Variants in PHF21A observed in about 807,000 individuals in gnomAD.
PHF21A encodes BHC80a.
In PHF21A, 11 loss-of-function variants were observed where a neutral mutation model predicts 82.5. That is an observed-to-expected ratio of 0.13 (90% CI 0.08 to 0.22). PHF21A has a LOEUF of 0.22. Among genes scored for constraint, PHF21A ranks in the 10% least tolerant of loss-of-function variants. The pLI, the probability that PHF21A is intolerant of heterozygous loss-of-function variation, is 1.00. For missense variants in PHF21A, 579 were observed against 837.8 expected (o/e 0.69, Z 3.81); for synonymous variants, 297 against 302.8 (o/e 0.98, Z 0.20).
chr11:46,053,812 A>G (rs2096407332), intron 6 of PHF21A, among the ~76,000 whole-genome samples: 1 of 152,100 alleles, frequency 6.6e-6, no homozygotes, highest in Admixed American at 6.6e-5. Context: ...TTCTTCAAGT[A>G]TTTTTTTGTG....
chr11:46,013,517 T>C (rs1419586676), intron 6 of PHF21A, among the ~76,000 whole-genome samples: 2 of 152,106 alleles, frequency 1.3e-5, no homozygotes, highest in African/African-American at 2.4e-5. Flanking sequence ...TGCAGGTAAG[T>C]GGGGGAGTAC....
Position 46,050,609 on chromosome 11 carries a change from A to G in PHF21A, c.153+26145T>C, listed in dbSNP as rs2096345023. Among the ~76,000 whole-genome samples the G allele has an allele frequency of 5.9e-5, 9 of 152,348 alleles. No individual in the cohort carries two copies. In the South Asian group the frequency reaches 1.9e-3, roughly 32 times the overall value. On this transcript the variant is annotated intron_variant, in intron 6 of 18. Coordinates refer to ENST00000676320, the MANE Select transcript of PHF21A (RefSeq NM_001352027.3). Reference sequence around the variant, plus strand: ...GTACTTCTATAATTTTAATTCATCAATTGCAGTACTATACATAAAACTATT... The same window carrying G: ...GTACTTCTATAATTTTAATTCATCAGTTGCAGTACTATACATAAAACTATT...
At chr11:45,965,291 A>T (rs1467175756) in intron 10 of PHF21A, 24 bp downstream of exon 10, 1 of 1,609,256 alleles carries the variant, frequency 6.2e-7, no homozygotes, top group South Asian at 1.1e-5. Flanking sequence ...TACTGCCCAG[A>T]GCAGGTACAT....
At chr11:45,977,288 T>G (rs2094077117) in intron 7 of PHF21A, among the ~76,000 whole-genome samples, 1 of 151,974 alleles carries the variant, frequency 6.6e-6, no homozygotes, top group Non-Finnish European at 1.5e-5. Flanking sequence ...AGGTATATGT[T>G]ACCACGCATG....
chr11:46,063,295 A>G (rs2096557942), intron 6 of PHF21A, among the ~76,000 whole-genome samples: 2 of 152,196 alleles, frequency 1.3e-5, no homozygotes, highest in Admixed American at 1.3e-4. Flanking sequence ...ACTCCTGCCC[A>G]AGGCTGTTAC....
Position 45,935,741 on chromosome 11 carries a change from T to TAAAAA in PHF21A, c.1685-7_1685-3dup, listed in dbSNP as rs35995547. ...ACTTCTGTTTCTCTTCTTCTTTTGC[T>TAAAAA]AAAAAAAAAAAAAAAAAAAAAAAGG... is the stretch of plus-strand genomic sequence containing the variant. On this transcript the variant is annotated splice_region_variant and splice_polypyrimidine_tract_variant and intron_variant, in intron 17 of 18. Transcript: ENST00000676320. The TAAAAA allele has an allele frequency of 3.1e-5, 16 of 523,632 alleles. No homozygotes were observed. The highest frequency in any genetic ancestry group is 1.0e-4 in the African/African-American group (4 of 39,200). 32.4% of individuals were successfully genotyped at this position (523,632 alleles called of 1,614,324 possible). A position where few individuals can be genotyped will look rare whatever the true frequency, so the allele number is the denominator to read the frequency against.
chr11:46,081,404 A>C (rs774711264), intron 4 of PHF21A, among the ~76,000 whole-genome samples: 1 of 152,146 alleles, frequency 6.6e-6, no homozygotes, highest in Non-Finnish European at 1.5e-5. Flanking sequence ...AAAGCTCTTG[A>C]TTTTCCTTTT....
intron 3 of PHF21A, among the ~76,000 whole-genome samples, chr11:46,084,973 C>T (rs1400227319): frequency 6.6e-6 from 1 of 152,062 alleles, no homozygotes; most frequent in Admixed American, 6.6e-5. Context: ...AGCCACTGCG[C>T]TGAGCCAAAA....
intron 3 of PHF21A, among the ~76,000 whole-genome samples, chr11:46,088,157 G>A (rs2096878616): frequency 6.6e-6 from 1 of 152,184 alleles, no homozygotes; most frequent in African/African-American, 2.4e-5. Flanking sequence ...ATTTGTAAAA[G>A]ATGATTTAAC....
intron 14 of PHF21A, among the ~76,000 whole-genome samples, chr11:45,947,366 G>GT (rs1398739053): frequency 6.6e-6 from 1 of 152,178 alleles, no homozygotes; most frequent in East Asian, 1.9e-4. Context: ...CTGGTAAATG[G>GT]TATGTAGGAT....
chr11:46,095,873 A>T (rs991092515), intron 1 of PHF21A, among the ~76,000 whole-genome samples: 7 of 152,176 alleles, frequency 4.6e-5, no homozygotes, highest in Non-Finnish European at 8.8e-5. Flanking sequence ...TTGATAAGGG[A>T]CTAGAATAGC....
chr11:46,065,028 C>T (rs2096578157), intron 6 of PHF21A, among the ~76,000 whole-genome samples: 1 of 152,224 alleles, frequency 6.6e-6, no homozygotes, highest in African/African-American at 2.4e-5. Context: ...TTTAGATATA[C>T]ATTATCCTTA....
intron 10 of PHF21A, among the ~76,000 whole-genome samples, chr11:45,956,804 G>T (rs1028331645): frequency 2.7e-4 from 41 of 152,216 alleles, no homozygotes; most frequent in African/African-American, 9.4e-4. Flanking sequence ...GCAAAATGGC[G>T]TAAGTCCCTC....
chr11:45,971,493 C>T (rs901355188), intron 7 of PHF21A, 126 bp from the exon 8 acceptor site: 1 of 859,896 alleles, frequency 1.2e-6, no homozygotes, highest in African/African-American at 1.7e-5. Flanking sequence ...AATCAAGTTT[C>T]TCTGTAGAAC....
chr11:46,114,104 C>CAT (rs397742571), intron 1 of PHF21A, among the ~76,000 whole-genome samples: 87 of 146,312 alleles, frequency 5.9e-4, no homozygotes, highest in Admixed American at 1.1e-3. Context: ...CACACACACA[C>CAT]GCACACATCC....
chr11:46,111,567 C>T (rs535326810), intron 1 of PHF21A, among the ~76,000 whole-genome samples: 19 of 152,210 alleles, frequency 1.2e-4, no homozygotes, highest in African/African-American at 4.3e-4. Context: ...AAGAACTCCT[C>T]GCAAGAGAAA....
At chr11:45,958,445 T>TACACACAC (rs1280689117) in intron 10 of PHF21A, among the ~76,000 whole-genome samples, 13 of 15,382 alleles carry the variant, frequency 8.5e-4, no homozygotes, top group African/African-American at 1.5e-3. Context: ...TATATATATA[T>TACACACAC]ATATACACAC....
chr11:45,965,381 A>G lies in PHF21A; in HGVS notation c.930T>C (p.Ala310=). Residue 310 remains alanine (A), a synonymous_variant, in exon 10 of 19, where the codon GCT becomes GCC. Transcript: ENST00000676320. The part of the protein sequence containing the change: ...PMAQLTSIVI[A]TPGTRLAGPQ... The stretch of plus-strand genomic sequence containing the variant: ...GTCCAGCGAGTCTGGTCCCTGGAGT[A>G]GCTATCACAATGCTGGTGAGCTGGG... The G allele has an allele frequency of 6.2e-7, 1 of 1,614,108 alleles. No homozygotes were observed. Among genetic ancestry groups the G allele is most frequent in the Non-Finnish European group, 8.5e-7 (1 of 1,180,008 alleles).
At chr11:46,015,199 T>C (rs1306535526) in intron 6 of PHF21A, among the ~76,000 whole-genome samples, 1 of 152,056 alleles carries the variant, frequency 6.6e-6, no homozygotes, top group East Asian at 1.9e-4. Flanking sequence ...GTTATTTATT[T>C]TGTTGTTGTT....
Sources: gnomAD v4.1 joint callset for allele counts (sites outside exome capture counted in the v4.1 genomes callset) on GRCh38, gnomAD v4.1.1 for gene constraint, MANE v1.5 for transcripts, NCBI Gene and HGNC (gene_info 2026-07-23, HGNC 2026-07-21) for gene names.